Variants in ZNF66 observed in about 807,000 individuals in gnomAD.
The protein encoded by ZNF66 is putative zinc finger protein 66.
ZNF66 carries 32 observed loss-of-function variants against 35.2 expected under a neutral mutation model. The ratio of observed to expected loss-of-function variants is 0.91; its 90% CI spans 0.69 to 1.22. The LOEUF is 1.22. ZNF66 is among the 50% of genes most tolerant of loss of function. The probability of loss-of-function intolerance (pLI) is 0.00; values close to 1 mark genes in which losing one functional copy is unlikely to be tolerated. For synonymous variants in ZNF66, 231 were observed against 181.3 expected, an observed-to-expected ratio of 1.27 and a Z score of -2.20; for missense variants, 666 against 543.1, an observed-to-expected ratio of 1.23 and a Z score of -2.25.
rs762277022 is a variant in ZNF66, at chr19:20,807,336, C to G, written c.*14C>G. The G allele has an allele frequency of 4.9e-6, 3 of 614,266 alleles. No homozygotes were observed. Among genetic ancestry groups the G allele is most frequent in the Non-Finnish European group, 8.8e-6 (3 of 341,238 alleles). The allele number at this position is 614,266 out of a possible 1,614,324, so 38.1% of individuals were successfully genotyped here. On this transcript the variant is annotated 3_prime_UTR_variant, in exon 4 of 4. Transcript: ENST00000344519. ...GCAAAGCCTTAGACACTCCTCTACC[C>G]TTACTAGACATAAGATAATTCATAC...
In ZNF66 at chr19:20,806,503, T is replaced by A; in HGVS notation, c.903T>A (p.Ser301=). The A allele has an allele frequency of 6.6e-7, 1 of 1,523,048 alleles. No individual in the cohort carries two copies. Among genetic ancestry groups the A allele is most frequent in the Non-Finnish European group, 9.1e-7 (1 of 1,098,342 alleles). 94.3% of individuals were successfully genotyped at this position (1,523,048 alleles called of 1,614,324 possible). A position where few individuals can be genotyped will look rare whatever the true frequency, so the allele number is the denominator to read the frequency against. ...GKVFKYLSSL[S]THKIIHTGEK... ...TTTTTAAGTACCTTTCTTCCCTTTC[T>A]ACACATAAGATAATTCATACTGGAG... Residue 301 remains serine, a synonymous_variant, in exon 4 of 4, where the codon TCT becomes TCA. Coordinates refer to ENST00000344519, the MANE Select transcript of ZNF66 (RefSeq NM_001355197.2).
intron 2 of ZNF66, among the ~76,000 whole-genome samples, chr19:20,793,124 C>T (rs1971354592): frequency 6.6e-6 from 1 of 150,774 alleles, no homozygotes; most frequent in African/African-American, 2.4e-5. Flanking sequence ...CATCTTAATA[C>T]AAACTTTCCA....
At position 20,806,112 on chromosome 19, in the gene ZNF66, A is replaced by T; in HGVS notation, c.512A>T (p.Asn171Ile). The T allele has an allele frequency of 1.0e-6, 1 of 984,552 alleles. No homozygotes were observed. Among genetic ancestry groups the T allele is most frequent in the Non-Finnish European group, 1.6e-6 (1 of 615,716 alleles). 61.0% of individuals were successfully genotyped at this position (984,552 alleles called of 1,614,324 possible). ...NRHKIRHTGK[N>I]PCKFTECGKA... Reference sequence around the variant, plus strand: ...CATAAGATAAGACATACTGGAAAAAACCCTTGCAAATTTACAGAATGTGGC... The same window carrying T: ...CATAAGATAAGACATACTGGAAAAATCCCTTGCAAATTTACAGAATGTGGC... Residue 171 changes from asparagine to isoleucine, a missense_variant, in exon 4 of 4, where the codon AAC becomes ATC. Transcript: ENST00000344519.
intron 1 of ZNF66, chr19:20,784,977 C>G (rs983635173): frequency 3.3e-4 from 51 of 152,888 alleles, no homozygotes; most frequent in African/African-American, 1.2e-3. Flanking sequence ...GGTGGGTTGT[C>G]ACAGTGAAAA....
chr19:20,782,098 C>G (rs1367977051), intron 1 of ZNF66, among the ~76,000 whole-genome samples: 2 of 152,078 alleles, frequency 1.3e-5, no homozygotes, highest in Non-Finnish European at 2.9e-5. Context: ...GTTACCACAC[C>G]TGGCCAAATT....
chr19:20,803,688 A>T (rs1260371970), intron 3 of ZNF66, among the ~76,000 whole-genome samples: 1 of 152,014 alleles, frequency 6.6e-6, no homozygotes, highest in Non-Finnish European at 1.5e-5. Context: ...AAAGTTACAT[A>T]TTTTCATATG....
At chr19:20,779,950 AAAC>A (rs1022513491) in intron 1 of ZNF66, among the ~76,000 whole-genome samples, 3 of 151,492 alleles carry the variant, frequency 2.0e-5, no homozygotes, top group Non-Finnish European at 4.4e-5. Context: ...AAAAACACCA[AAAC>A]AACAAAAATT....
chr19:20,785,718 T>C (rs1383836193), intron 1 of ZNF66, among the ~76,000 whole-genome samples: 2 of 152,060 alleles, frequency 1.3e-5, no homozygotes, highest in Admixed American at 6.6e-5. Context: ...CTGGAGCTTC[T>C]CTGGGGCTGG....
Position 20,807,348 on chromosome 19 carries a change from A to T in ZNF66, c.*26A>T, listed in dbSNP as rs10418734. 1.7e-6 allele frequency: 1 copy of T among 595,102 alleles called. No homozygotes were observed. Among genetic ancestry groups the T allele is most frequent in the South Asian group, 2.4e-5 (1 of 41,184 alleles). 36.9% of individuals were successfully genotyped at this position (595,102 alleles called of 1,614,324 possible). A position where few individuals can be genotyped will look rare whatever the true frequency, so the allele number is the denominator to read the frequency against. On this transcript the variant is annotated 3_prime_UTR_variant, in exon 4 of 4. Transcript: ENST00000344519. ...ACACTCCTCTACCCTTACTAGACAT[A>T]AGATAATTCATACTGGAGAGAAACC... is the stretch of plus-strand genomic sequence containing the variant.
intron 3 of ZNF66, among the ~76,000 whole-genome samples, chr19:20,797,204 T>A (rs1971402146): frequency 1.1e-5 from 1 of 87,902 alleles, no homozygotes; most frequent in Non-Finnish European, 2.3e-5. Context: ...TTTTTTTTTT[T>A]TTTTTTTTTT....
chr19:20,793,645 T>C, intron 2 of ZNF66, 138 bp from the exon 3 acceptor site: 2 of 429,096 alleles, frequency 4.7e-6, no homozygotes, highest in East Asian at 7.3e-5. Flanking sequence ...TCTAAATATT[T>C]AGAAATCTCT....
intron 1 of ZNF66, among the ~76,000 whole-genome samples, chr19:20,782,287 A>G (rs1244690403): frequency 1.3e-5 from 2 of 152,196 alleles, no homozygotes; most frequent in African/African-American, 4.8e-5. Context: ...ATAGGCATTT[A>G]GGGCCTGTCC....
chr19:20,786,671 C>T (rs1971290018), intron 1 of ZNF66, among the ~76,000 whole-genome samples: 1 of 151,864 alleles, frequency 6.6e-6, no homozygotes, highest in African/African-American at 2.4e-5. Context: ...ACATCTTTAT[C>T]CTATTAACTA....
Position 20,809,414 on chromosome 19 carries a change from T to G in ZNF66, c.*2092T>G, listed in dbSNP as rs922945512. Among the ~76,000 whole-genome samples the G allele has an allele frequency of 6.6e-6, 1 of 152,092 alleles. No homozygotes were observed. Among genetic ancestry groups the G allele is most frequent in the Non-Finnish European group, 1.5e-5 (1 of 68,024 alleles). Reference sequence around the variant, plus strand: ...AAAGTTGAAATGAAGGAAAAAATGTTAAGGGCAGCCAGAGAGAAAGGTCGG... The same window carrying G: ...AAAGTTGAAATGAAGGAAAAAATGTGAAGGGCAGCCAGAGAGAAAGGTCGG... On this transcript the variant is annotated 3_prime_UTR_variant, in exon 4 of 4. Coordinates refer to ENST00000344519, the MANE Select transcript of ZNF66 (RefSeq NM_001355197.2).
chr19:20,790,150 A>G (rs181076418), intron 1 of ZNF66, among the ~76,000 whole-genome samples: 1 of 152,400 alleles, frequency 6.6e-6, no homozygotes, highest in East Asian at 1.9e-4. Flanking sequence ...CAAGTGATTT[A>G]TAAGCTTGTT....
chr19:20,787,598 C>CT (rs1402229187), intron 1 of ZNF66, among the ~76,000 whole-genome samples: 13 of 152,156 alleles, frequency 8.5e-5, no homozygotes, highest in Admixed American at 2.0e-4. Context: ...GAGTGTGGCT[C>CT]TTTGAGATTT....
chr19:20,790,839 G>C (rs1043180953), intron 1 of ZNF66, among the ~76,000 whole-genome samples: 1 of 152,108 alleles, frequency 6.6e-6, no homozygotes, highest in African/African-American at 2.4e-5. Context: ...TCTAGTACTT[G>C]AAAACTTTTA....
Position 20,808,382 on chromosome 19 carries a change from G to C in ZNF66, c.*1060G>C, listed in dbSNP as rs1743536611. Among the ~76,000 whole-genome samples the C allele has an allele frequency of 6.6e-6, 1 of 152,230 alleles. No homozygotes were observed. Among genetic ancestry groups the C allele is most frequent in the South Asian group, 2.1e-4 (1 of 4,836 alleles). ...TCCCAGCACGCAGCTGGAGATCTGA[G>C]AACGGGCAGACTGCCTCCTCAAGTG... On this transcript the variant is annotated 3_prime_UTR_variant, in exon 4 of 4. Transcript: ENST00000344519.
At chr19:20,796,947 TTCAA>T (rs1382997157) in intron 3 of ZNF66, among the ~76,000 whole-genome samples, 3 of 152,010 alleles carry the variant, frequency 2.0e-5, no homozygotes, top group Non-Finnish European at 4.4e-5. Context: ...ACCTTCCAGG[TTCAA>T]GCAATTCTCA....
Sources: gnomAD v4.1 joint callset for allele counts (sites outside exome capture counted in the v4.1 genomes callset) on GRCh38, gnomAD v4.1.1 for gene constraint, MANE v1.5 for transcripts, NCBI Gene and HGNC (gene_info 2026-07-23, HGNC 2026-07-21) for gene names.